GRM8: variants seen among roughly 807,000 people sequenced by gnomAD.
GRM8 encodes metabotropic glutamate receptor 8.
GRM8 carries 47 observed loss-of-function variants against 87.2 expected under a neutral mutation model. The observed-to-expected ratio is 0.54, with a 90% CI of 0.43 to 0.69. The LOEUF (loss-of-function observed/expected upper bound fraction) is 0.69, where lower values mean the gene tolerates loss of function less well. GRM8 is among the 30% of genes least tolerant of loss of function. GRM8 has a pLI of 0.00. For missense variants in GRM8, 1,019 were observed against 1,139.2 expected (o/e 0.89, Z 1.52); for synonymous variants, 396 against 404.5 (o/e 0.98, Z 0.25).
At chr7:126,616,155 C>A (rs1039522540) in intron 7 of GRM8, among the ~76,000 whole-genome samples, 1 of 152,136 alleles carries the variant, frequency 6.6e-6, no homozygotes, top group African/African-American at 2.4e-5. Flanking sequence ...TGTAAAAGAA[C>A]AGAAATTATA....
At chr7:127,044,940 A>G (rs1490413892) in intron 3 of GRM8, among the ~76,000 whole-genome samples, 2 of 152,250 alleles carry the variant, frequency 1.3e-5, no homozygotes, top group East Asian at 1.9e-4. Flanking sequence ...TTTGCTTCAG[A>G]TTTTTTTATT....
chr7:126,913,608 C>A (rs1803541676), intron 3 of GRM8, among the ~76,000 whole-genome samples: 1 of 152,110 alleles, frequency 6.6e-6, no homozygotes, highest in Non-Finnish European at 1.5e-5. Flanking sequence ...AACTCTCTAC[C>A]CTAAATATCC....
intron 7 of GRM8, among the ~76,000 whole-genome samples, chr7:126,658,308 G>A (rs1804762732): frequency 6.6e-6 from 1 of 152,132 alleles, no homozygotes. Flanking sequence ...AAAGAATAAA[G>A]TCATGCTTCT....
intron 9 of GRM8, among the ~76,000 whole-genome samples, chr7:126,452,185 CA>C (rs994819644): frequency 6.7e-6 from 1 of 148,606 alleles, no homozygotes; most frequent in South Asian, 2.1e-4. Flanking sequence ...ATCACAAGGA[CA>C]AAAAACCAAA....
chr7:126,592,150 CAA>C (rs55956390), intron 8 of GRM8, among the ~76,000 whole-genome samples: 4,900 of 145,466 alleles, frequency 0.034, 110 homozygotes, highest in Non-Finnish European at 0.052. Context: ...AGTCTCCCAT[CAA>C]AAAAAAAAAA....
chr7:127,122,488 A>G (rs1827142378), intron 2 of GRM8, among the ~76,000 whole-genome samples: 1 of 152,006 alleles, frequency 6.6e-6, no homozygotes, highest in African/African-American at 2.4e-5. Context: ...AAAATGGAAA[A>G]AGAAAAAACA....
chr7:126,607,401 G>A (rs10277033), intron 8 of GRM8, among the ~76,000 whole-genome samples: 5,546 of 152,182 alleles, frequency 0.036, 268 homozygotes, highest in African/African-American at 0.11. Flanking sequence ...CTGAGAACTT[G>A]GGTGACTGGT....
chr7:127,238,390 G>A (rs1210376473), intron 2 of GRM8, among the ~76,000 whole-genome samples: 2 of 151,722 alleles, frequency 1.3e-5, no homozygotes, highest in African/African-American at 4.9e-5. Flanking sequence ...TTCTTGTTCT[G>A]TAACTCTCAA....
intron 6 of GRM8, among the ~76,000 whole-genome samples, chr7:126,844,397 T>C (rs1796530330): frequency 6.6e-6 from 1 of 152,196 alleles, no homozygotes. Context: ...ACCAAACTTG[T>C]TTTGCAATCG....
intron 3 of GRM8, among the ~76,000 whole-genome samples, chr7:127,092,014 C>T (rs370862343): frequency 1.9e-5 from 2 of 106,634 alleles, no homozygotes; most frequent in African/African-American, 7.4e-5. Flanking sequence ...TGACCCCCCC[C>T]ACCATCCCAC....
intron 2 of GRM8, among the ~76,000 whole-genome samples, chr7:127,210,516 C>T (rs1325660210): frequency 6.6e-6 from 1 of 152,170 alleles, no homozygotes; most frequent in Non-Finnish European, 1.5e-5. Flanking sequence ...GTTGCAGATG[C>T]TTTAAAGAGT....
At chr7:126,440,475 C>A (rs1584609330) in intron 10 of GRM8, among the ~76,000 whole-genome samples, 1 of 150,960 alleles carries the variant, frequency 6.6e-6, no homozygotes, top group East Asian at 1.9e-4. Flanking sequence ...CATTCAATCA[C>A]CACTCATTCA....
At chr7:127,003,274 C>G (rs1813905635) in intron 3 of GRM8, among the ~76,000 whole-genome samples, 1 of 151,700 alleles carries the variant, frequency 6.6e-6, no homozygotes, top group Non-Finnish European at 1.5e-5. Context: ...ATACAAGTGG[C>G]ATTGATTCTA....
At chr7:126,460,137 C>T (rs1022637127) in intron 9 of GRM8, among the ~76,000 whole-genome samples, 1 of 151,536 alleles carries the variant, frequency 6.6e-6, no homozygotes. Context: ...TCAGACATGA[C>T]ATTTAGAACT....
At chr7:126,498,541 C>T (rs1562885402) in intron 9 of GRM8, among the ~76,000 whole-genome samples, 1 of 151,952 alleles carries the variant, frequency 6.6e-6, no homozygotes, top group South Asian at 2.1e-4. Context: ...CAACTGAAAA[C>T]GGCTCTACAG....
intron 3 of GRM8, among the ~76,000 whole-genome samples, chr7:127,018,564 C>G (rs776208532): frequency 6.6e-6 from 1 of 151,972 alleles, no homozygotes; most frequent in Non-Finnish European, 1.5e-5. Context: ...TACCTACTAA[C>G]AGAACCCCAC....
intron 7 of GRM8, among the ~76,000 whole-genome samples, chr7:126,660,896 TC>T (rs1805089714): frequency 6.9e-6 from 1 of 144,614 alleles, no homozygotes; most frequent in Non-Finnish European, 1.5e-5. Flanking sequence ...CTAGTTTCTG[TC>T]CAGTAAAGTA....
At chr7:126,986,011 T>C (rs988234306) in intron 3 of GRM8, among the ~76,000 whole-genome samples, 1 of 152,124 alleles carries the variant, frequency 6.6e-6, no homozygotes, top group Non-Finnish European at 1.5e-5. Flanking sequence ...AATTCAAAAA[T>C]TCAAGTCATT....
chr7:127,104,244 T>G (rs1047219925), intron 3 of GRM8, among the ~76,000 whole-genome samples: 1 of 152,152 alleles, frequency 6.6e-6, no homozygotes, highest in Non-Finnish European at 1.5e-5. Context: ...TGTATACATC[T>G]CTTTCTCACT....
Sources: gnomAD v4.1 joint callset for allele counts (sites outside exome capture counted in the v4.1 genomes callset) on GRCh38, gnomAD v4.1.1 for gene constraint, MANE v1.5 for transcripts, NCBI Gene and HGNC (gene_info 2026-07-23, HGNC 2026-07-21) for gene names.